The following MPZL1 variants were observed in gnomAD, a reference collection of about 807,000 sequenced individuals.
MPZL1 encodes the protein myelin protein zero like 1, also known as myelin protein zero-like protein 1.
MPZL1 carries 16 observed loss-of-function variants against 29.3 expected under a neutral mutation model. The observed-to-expected ratio is 0.55, with a 90% confidence interval of 0.37 to 0.83. The LOEUF (loss-of-function observed/expected upper bound fraction) is 0.83. MPZL1 is among the 40% of genes least tolerant of loss of function. The pLI, the probability that MPZL1 is intolerant of heterozygous loss-of-function variation, is 0.00. For missense variants in MPZL1, 279 were observed against 332.9 expected (o/e 0.84, Z 1.26); for synonymous variants, 143 against 132.0 (o/e 1.08, Z -0.57).
intron 1 of MPZL1, among the ~76,000 whole-genome samples, chr1:167,740,331 T>G (rs973788747): frequency 5.3e-5 from 8 of 152,186 alleles, no homozygotes; most frequent in African/African-American, 1.9e-4. Context: ...CCCACTTTCT[T>G]CTGTCCAGCC....
intron 4 of MPZL1, 84 bp from the exon 5 acceptor site, chr1:167,775,980 G>A (rs372799972): frequency 2.5e-5 from 21 of 849,988 alleles, no homozygotes; most frequent in South Asian, 9.2e-5. Context: ...TCATCTTGCC[G>A]TCAGTTGCAT....
At chr1:167,738,021 G>A (rs1288754549) in intron 1 of MPZL1, among the ~76,000 whole-genome samples, 1 of 152,086 alleles carries the variant, frequency 6.6e-6, no homozygotes, top group East Asian at 1.9e-4. Flanking sequence ...CGCCTCCTGG[G>A]TTCACGCCAT....
In MPZL1 at chr1:167,722,130, C is replaced by T; in HGVS notation, c.-22C>T. 1 of 1,234,538 alleles carries T rather than the reference C, an allele frequency of 8.1e-7. No homozygotes were observed. 76.5% of individuals were successfully genotyped at this position (1,234,538 alleles called of 1,614,324 possible). A position where few individuals can be genotyped will look rare whatever the true frequency, so the allele number is the denominator to read the frequency against. On this transcript the variant is annotated 5_prime_UTR_variant, in exon 1 of 6. Coordinates refer to ENST00000359523, the MANE Select transcript of MPZL1 (RefSeq NM_003953.6). ...GGGCTCAGGGACGCGGCGGCGGCGG[C>T]GGCGACTGCAGTGGCTGGACGATGG... is the stretch of plus-strand genomic sequence containing the variant.
rs113023320 is a variant in MPZL1 at position 167,752,759 on chromosome 1, C to G, written c.92-12824C>G. ...TTTCTAGGAGCCAGAGAGAGCTTGACTGGGGTCAGGCATCCATTTAAGGGC... is the reference window on the plus strand; with the variant it reads ...TTTCTAGGAGCCAGAGAGAGCTTGAGTGGGGTCAGGCATCCATTTAAGGGC... On this transcript the variant is annotated intron_variant, in intron 1 of 5. Coordinates refer to ENST00000359523, the MANE Select transcript of MPZL1 (RefSeq NM_003953.6). 5.4e-3 allele frequency among the ~76,000 whole-genome samples: 824 copies of G among 152,270 alleles called. 6 individuals carry two copies. Among genetic ancestry groups the G allele is most frequent in the Middle Eastern group, 0.017 (5 of 294 alleles).
At chr1:167,726,769 T>A (rs1467877929) in intron 1 of MPZL1, among the ~76,000 whole-genome samples, 1 of 152,200 alleles carries the variant, frequency 6.6e-6, no homozygotes, top group Non-Finnish European at 1.5e-5. Flanking sequence ...AAGAAAAAGA[T>A]AAATGTTAAG....
chr1:167,749,268 G>C (rs1345789294), intron 1 of MPZL1, among the ~76,000 whole-genome samples: 1 of 152,176 alleles, frequency 6.6e-6, no homozygotes, highest in African/African-American at 2.4e-5. Context: ...TACCATCTAA[G>C]CTACAGTCAG....
Position 167,776,055 on chromosome 1 carries a change from A to G in MPZL1, c.606-9A>G, listed in dbSNP as rs777772945. 12 of 1,562,972 alleles carry G rather than the reference A, an allele frequency of 7.7e-6. No individual in the cohort carries two copies. Among genetic ancestry groups the G allele is most frequent in the South Asian group, 1.2e-5 (1 of 80,904 alleles). On this transcript the variant is annotated splice_polypyrimidine_tract_variant and intron_variant, in intron 4 of 5. Coordinates refer to ENST00000359523, the MANE Select transcript of MPZL1 (RefSeq NM_003953.6). Reference sequence around the variant, plus strand: ...TTTACATTTGTTCTTCAAATTGCCAATTCATCAGCTGCAGTACATCAGAGA... The same window carrying G: ...TTTACATTTGTTCTTCAAATTGCCAGTTCATCAGCTGCAGTACATCAGAGA...
intron 1 of MPZL1, among the ~76,000 whole-genome samples, chr1:167,748,493 A>G (rs142138504): frequency 2.6e-5 from 4 of 152,302 alleles, no homozygotes; most frequent in East Asian, 3.9e-4. Flanking sequence ...AATCTTTGCA[A>G]TGTTGATGGT....
At chr1:167,737,358 T>G (rs1436900157) in intron 1 of MPZL1, among the ~76,000 whole-genome samples, 1 of 152,134 alleles carries the variant, frequency 6.6e-6, no homozygotes, top group East Asian at 1.9e-4. Context: ...GTCCTCAACT[T>G]TGTACTGTAG....
intron 1 of MPZL1, among the ~76,000 whole-genome samples, chr1:167,759,524 G>A (rs1353628521): frequency 6.6e-6 from 1 of 152,170 alleles, no homozygotes; most frequent in African/African-American, 2.4e-5. Context: ...ACCCACACAG[G>A]AGAACACTTC....
chr1:167,740,773 C>G (rs979804801), intron 1 of MPZL1, among the ~76,000 whole-genome samples: 1 of 152,226 alleles, frequency 6.6e-6, no homozygotes, highest in Non-Finnish European at 1.5e-5. Context: ...GTCTCAAGGT[C>G]TCATTGACAT....
chr1:167,767,064 A>G (rs1661129506), intron 2 of MPZL1, among the ~76,000 whole-genome samples: 1 of 152,234 alleles, frequency 6.6e-6, no homozygotes, highest in Non-Finnish European at 1.5e-5. Flanking sequence ...ATTTTCTCAA[A>G]GCTTCCCACC....
rs770909210 is a variant in MPZL1 at position 167,788,098 on chromosome 1, A to C, written c.*177A>C. On this transcript the variant is annotated 3_prime_UTR_variant, in exon 6 of 6. Coordinates refer to ENST00000359523, the MANE Select transcript of MPZL1 (RefSeq NM_003953.6). ...ATATGTATAAATATTCTATTTAGTC[A>C]TCCTGATATGAGGAGCCAGTGTTGC... The C allele has an allele frequency of 1.9e-6, 1 of 535,450 alleles. No homozygotes were observed. The highest frequency in any genetic ancestry group is 3.4e-6 in the Non-Finnish European group (1 of 291,732). 33.2% of individuals were successfully genotyped at this position (535,450 alleles called of 1,614,324 possible). A position where few individuals can be genotyped will look rare whatever the true frequency, so the allele number is the denominator to read the frequency against.
chr1:167,776,215 G>A, intron 5 of MPZL1, 49 bp downstream of exon 5: 1 of 1,380,918 alleles, frequency 7.2e-7, no homozygotes, highest in Non-Finnish European at 1.0e-6. Flanking sequence ...CTACAGCTTG[G>A]TGCTCTGTCA....
chr1:167,757,918 G>A (rs6689376), intron 1 of MPZL1, among the ~76,000 whole-genome samples: 10,596 of 152,222 alleles, frequency 0.07, 490 homozygotes, highest in African/African-American at 0.12. Context: ...GGGAGGCCAA[G>A]GCAGGTGGAT....
intron 1 of MPZL1, among the ~76,000 whole-genome samples, chr1:167,742,310 T>C (rs1237615365): frequency 6.6e-6 from 1 of 152,024 alleles, no homozygotes; most frequent in Admixed American, 6.6e-5. Context: ...AAATCTTTGA[T>C]CTTATCAAAT....
chr1:167,786,683 A>AC (rs1427788275), intron 5 of MPZL1, among the ~76,000 whole-genome samples: 1 of 152,138 alleles, frequency 6.6e-6, no homozygotes, highest in Non-Finnish European at 1.5e-5. Context: ...ACTCCACAGA[A>AC]CCCCAGGTTA....
At chr1:167,748,808 A>T (rs560347520) in intron 1 of MPZL1, among the ~76,000 whole-genome samples, 1 of 152,134 alleles carries the variant, frequency 6.6e-6, no homozygotes, top group Non-Finnish European at 1.5e-5. Flanking sequence ...TGTGCTTTAC[A>T]TTTTGTACTT....
Position 167,754,455 on chromosome 1 carries a change from C to T in MPZL1, c.92-11128C>T, listed in dbSNP as rs950594514. Among the ~76,000 whole-genome samples the T allele has an allele frequency of 3.5e-4, 53 of 152,346 alleles. No homozygotes were observed. The Middle Eastern group carries it at 0.01, about 29-fold the overall frequency. ...TTTGGACACCAATGTCCTGTTAACTCAGGCTGCCAGTGCAGTCTTCAGAAT... is the reference window on the plus strand; with the variant it reads ...TTTGGACACCAATGTCCTGTTAACTTAGGCTGCCAGTGCAGTCTTCAGAAT... On this transcript the variant is annotated intron_variant, in intron 1 of 5. Coordinates refer to ENST00000359523, the MANE Select transcript of MPZL1 (RefSeq NM_003953.6).
Sources: gnomAD v4.1 joint callset for allele counts (sites outside exome capture counted in the v4.1 genomes callset) on GRCh38, gnomAD v4.1.1 for gene constraint, MANE v1.5 for transcripts, NCBI Gene and HGNC (gene_info 2026-07-23, HGNC 2026-07-21) for gene names.